TPH2: variants seen among roughly 807,000 people sequenced by gnomAD.
TPH2 encodes tryptophan 5-hydroxylase 2.
In TPH2, 27 loss-of-function variants were observed where a neutral mutation model predicts 59.1. The ratio of observed to expected loss-of-function variants is 0.46; its 90% confidence interval spans 0.34 to 0.63. The LOEUF (loss-of-function observed/expected upper bound fraction) is 0.63, where lower values mean the gene tolerates loss of function less well. TPH2 is among the 30% of genes least tolerant of loss of function. TPH2 has a pLI of 0.01. For synonymous variants in TPH2, 220 were observed against 210.5 expected, an observed-to-expected ratio of 1.05 and a Z score of -0.39; for missense variants, 523 against 588.3, an observed-to-expected ratio of 0.89 and a Z score of 1.15.
At chr12:72,009,699 C>T (rs949070768) in intron 8 of TPH2, among the ~76,000 whole-genome samples, 6 of 152,126 alleles carry the variant, frequency 3.9e-5, no homozygotes, top group Non-Finnish European at 7.4e-5. Context: ...TTAGGATATC[C>T]AGGAGTCACA....
At position 72,031,791 on chromosome 12, in the gene TPH2, T is replaced by C; in HGVS notation, c.*96T>C. On this transcript the variant is annotated 3_prime_UTR_variant, in exon 11 of 11. Coordinates refer to ENST00000333850, the MANE Select transcript of TPH2 (RefSeq NM_173353.4). ...CGCAAATAACCTTCTGTGTCATGGCTTGGCTAATAAGCATGCAATTCCATA... is the reference window on the plus strand; with the variant it reads ...CGCAAATAACCTTCTGTGTCATGGCCTGGCTAATAAGCATGCAATTCCATA... 6.9e-7 allele frequency: 1 copy of C among 1,454,648 alleles called. No homozygotes were observed. Among genetic ancestry groups the C allele is most frequent in the Non-Finnish European group, 9.6e-7 (1 of 1,040,276 alleles). The allele number at this position is 1,454,648 out of a possible 1,614,324, so 90.1% of individuals were successfully genotyped here.
At chr12:72,008,920 C>G (rs936295264) in intron 8 of TPH2, among the ~76,000 whole-genome samples, 8 of 152,070 alleles carry the variant, frequency 5.3e-5, no homozygotes. Context: ...GCAGCATCTT[C>G]TGGTCTGGCT....
rs1398986888 is a variant in TPH2, at chr12:72,015,471, C to T, written c.1069-6928C>T. On this transcript the variant is annotated intron_variant, in intron 8 of 10. Transcript: ENST00000333850. Reference sequence around the variant, plus strand: ...AGTAGCTGGGACTACAGGTGCCCACCACCACGCCCAGCTAATTTTTTGTAT... The same window carrying T: ...AGTAGCTGGGACTACAGGTGCCCACTACCACGCCCAGCTAATTTTTTGTAT... Among the ~76,000 whole-genome samples the T allele has an allele frequency of 2.6e-5, 4 of 151,854 alleles. No individual in the cohort carries two copies. In the East Asian group the frequency reaches 7.7e-4, roughly 29 times the overall value.
intron 8 of TPH2, among the ~76,000 whole-genome samples, chr12:72,006,714 A>C (rs574984813): frequency 6.6e-6 from 1 of 152,252 alleles, no homozygotes; most frequent in South Asian, 2.1e-4. Context: ...GTGTCGCTGG[A>C]AAAATGGTTC....
intron 8 of TPH2, among the ~76,000 whole-genome samples, chr12:72,002,193 T>C (rs920427179): frequency 3.3e-5 from 5 of 152,018 alleles, no homozygotes; most frequent in Non-Finnish European, 5.9e-5. Context: ...GATTTGTCAA[T>C]CAAAAATAAT....
At chr12:71,949,998 A>G (rs535310736) in intron 5 of TPH2, among the ~76,000 whole-genome samples, 5 of 152,132 alleles carry the variant, frequency 3.3e-5, no homozygotes, top group Non-Finnish European at 7.3e-5. Context: ...AACCCCCTTC[A>G]GTCTCCTGCT....
intron 8 of TPH2, among the ~76,000 whole-genome samples, chr12:72,005,419 C>T (rs11179036): frequency 0.045 from 6,823 of 152,042 alleles, 290 homozygotes; most frequent in South Asian, 0.17. Context: ...AAATTTAAAA[C>T]ATAGATAAGG....
chr12:72,028,371 G>T (rs1482201740), intron 9 of TPH2, among the ~76,000 whole-genome samples: 1 of 152,142 alleles, frequency 6.6e-6, no homozygotes, highest in African/African-American at 2.4e-5. Context: ...AAACTGAGGG[G>T]CTTAGAGAGA....
intron 8 of TPH2, among the ~76,000 whole-genome samples, chr12:72,020,708 A>G (rs1032144244): frequency 6.6e-6 from 1 of 152,024 alleles, no homozygotes; most frequent in East Asian, 1.9e-4. Flanking sequence ...GCTGGTCTTG[A>G]ACTCCTGACC....
At chr12:71,985,299 C>A (rs1872399629) in intron 7 of TPH2, among the ~76,000 whole-genome samples, 2 of 152,188 alleles carry the variant, frequency 1.3e-5, no homozygotes, top group South Asian at 4.1e-4. Flanking sequence ...CAAAAATACT[C>A]AAAACTTATT....
intron 4 of TPH2, 119 bp from the exon 5 acceptor site, chr12:71,949,469 T>G: frequency 1.2e-6 from 1 of 815,008 alleles, no homozygotes; most frequent in Non-Finnish European, 2.1e-6. Context: ...AAGATGGCCA[T>G]CCTAGGATAA....
intron 6 of TPH2, 146 bp downstream of exon 6, chr12:71,972,861 C>T: frequency 1.2e-6 from 1 of 835,008 alleles, no homozygotes; most frequent in South Asian, 1.7e-5. Flanking sequence ...TTACCTGCGG[C>T]CACCTGTGGG....
chr12:71,954,111 C>T (rs1871428527), intron 5 of TPH2, among the ~76,000 whole-genome samples: 1 of 152,088 alleles, frequency 6.6e-6, no homozygotes, highest in African/African-American at 2.4e-5. Context: ...AAAAATTCCA[C>T]TCTATGATGA....
intron 8 of TPH2, among the ~76,000 whole-genome samples, chr12:72,015,993 C>T (rs1256409955): frequency 6.6e-6 from 1 of 152,120 alleles, no homozygotes; most frequent in Non-Finnish European, 1.5e-5. Flanking sequence ...CTGATAGTGG[C>T]CTTGTATCCA....
Position 71,972,615 on chromosome 12 carries a change from T to A in TPH2, c.705T>A (p.Ala235=). ...TCTCCAAACTCTATCCCACTCATGC[T>A]TGCCGAGAGTATTTGAAAAACTTCC... The part of the protein sequence containing the change: ...RELSKLYPTH[A]CREYLKNFPL... Residue 235 remains alanine, a synonymous_variant, in exon 6 of 11, where the codon GCT becomes GCA. Transcript: ENST00000333850. 6.2e-7 allele frequency: 1 copy of A among 1,614,188 alleles called. No individual in the cohort carries two copies. Among genetic ancestry groups the A allele is most frequent in the South Asian group, 1.1e-5 (1 of 91,078 alleles).
At chr12:71,987,001 A>G (rs771056686) in intron 7 of TPH2, among the ~76,000 whole-genome samples, 1 of 152,194 alleles carries the variant, frequency 6.6e-6, no homozygotes, top group Non-Finnish European at 1.5e-5. Flanking sequence ...CACAGAAGCC[A>G]CCACAAGAGA....
chr12:71,953,167 T>C (rs1592384366), intron 5 of TPH2, among the ~76,000 whole-genome samples: 1 of 152,036 alleles, frequency 6.6e-6, no homozygotes, highest in African/African-American at 2.4e-5. Flanking sequence ...CCCTGCTTTT[T>C]TTTTTTTGCA....
intron 4 of TPH2, 33 bp downstream of exon 4, chr12:71,944,719 C>G: frequency 6.3e-7 from 1 of 1,576,420 alleles, no homozygotes; most frequent in African/African-American, 1.3e-5. Context: ...TTCTCACATG[C>G]TCTTTCAGCT....
chr12:71,973,821 T>C (rs1592393737), intron 6 of TPH2, among the ~76,000 whole-genome samples: 1 of 152,276 alleles, frequency 6.6e-6, no homozygotes, highest in East Asian at 1.9e-4. Flanking sequence ...TACTTTACAT[T>C]ATAATTTGTG....
Sources: allele counts gnomAD v4.1 joint callset (sites outside exome capture counted in the v4.1 genomes callset), GRCh38; gene constraint gnomAD v4.1.1; transcripts MANE v1.5; gene names NCBI Gene and HGNC (gene_info 2026-07-23, HGNC 2026-07-21).